OTOGL: variants seen among roughly 807,000 people sequenced by gnomAD.
The protein encoded by OTOGL is otogelin-like protein.
Under a neutral mutation model 318.5 loss-of-function variants are expected in OTOGL, and 285 were observed. The observed-to-expected ratio is 0.89, with a 90% confidence interval of 0.81 to 0.99. The LOEUF (loss-of-function observed/expected upper bound fraction) is 0.99, where lower values mean the gene tolerates loss of function less well. Among genes scored for constraint, OTOGL ranks in the 50% least tolerant of loss-of-function variants. The pLI, the probability that OTOGL is intolerant of heterozygous loss-of-function variation, is 0.00. For synonymous variants in OTOGL, 987 were observed against 936.5 expected, an observed-to-expected ratio of 1.05 and a Z score of -0.99; for missense variants, 2,899 against 2,845.6, an observed-to-expected ratio of 1.02 and a Z score of -0.43.
At chr12:80,131,314 G>T (rs1326483354) in intron 1 of OTOGL, among the ~76,000 whole-genome samples, 1 of 152,178 alleles carries the variant, frequency 6.6e-6, no homozygotes, top group Non-Finnish European at 1.5e-5. Flanking sequence ...CTTCCATAGT[G>T]CATAGAGAAC....
At chr12:80,286,665 T>C (rs753789929) in intron 26 of OTOGL, among the ~76,000 whole-genome samples, 1 of 152,136 alleles carries the variant, frequency 6.6e-6, no homozygotes, top group African/African-American at 2.4e-5. Flanking sequence ...TTGGTAGAAG[T>C]GTTTAAAGTA....
In OTOGL at chr12:80,268,332, A is replaced by G. The variant is rs12296550; in HGVS notation, c.2465+1005A>G. Among the ~76,000 whole-genome samples, 759 of 149,712 alleles carry G rather than the reference A, an allele frequency of 5.1e-3. 4 individuals are homozygous for G. The highest frequency in any genetic ancestry group is 0.019 in the African/African-American group (731 of 39,066). Reference sequence around the variant, plus strand: ...ACTCATCACCATAACCCTAAGAGATAGGCAATGTTGTTTTATCCTGATTTA... The same window carrying G: ...ACTCATCACCATAACCCTAAGAGATGGGCAATGTTGTTTTATCCTGATTTA... On this transcript the variant is annotated intron_variant, in intron 22 of 58. Coordinates refer to ENST00000547103, the MANE Select transcript of OTOGL (RefSeq NM_001378609.3).
At chr12:80,117,426 A>G (rs1870235568) in intron 1 of OTOGL, among the ~76,000 whole-genome samples, 1 of 152,176 alleles carries the variant, frequency 6.6e-6, no homozygotes, top group Admixed American at 6.5e-5. Context: ...CTGCAATCAC[A>G]GTCAGAAGCC....
Position 80,232,935 on chromosome 12 carries a change from C to G in OTOGL, c.655C>G (p.Leu219Val). ...QTIGQIFIEK[L>V]ADYILVKTTF... Reference sequence around the variant, plus strand: ...AATTGGACAGATTTTCATTGAGAAACTAGCTGACTACATTCTTGTGAAAAC... The same window carrying G: ...AATTGGACAGATTTTCATTGAGAAAGTAGCTGACTACATTCTTGTGAAAAC... Residue 219 changes from leucine to valine, a missense_variant, in exon 9 of 59, where the codon CTA (leucine) becomes GTA (valine). Transcript: ENST00000547103. The G allele has an allele frequency of 1.3e-6, 2 of 1,599,236 alleles. No individual in the cohort carries two copies. The highest frequency in any genetic ancestry group is 1.7e-6 in the Non-Finnish European group (2 of 1,179,590).
chr12:80,257,725 C>T (rs1183934840), intron 17 of OTOGL, 100 bp from the exon 18 acceptor site: 2 of 1,160,760 alleles, frequency 1.7e-6, no homozygotes, highest in African/African-American at 1.6e-5. Context: ...TCTCCTCCTT[C>T]CCTGGTATCT....
chr12:80,128,401 G>A (rs1385718295), intron 1 of OTOGL, among the ~76,000 whole-genome samples: 3 of 152,206 alleles, frequency 2.0e-5, no homozygotes, highest in Non-Finnish European at 2.9e-5. Context: ...TCCTCTGGAA[G>A]TTTTGTCTCA....
At position 80,255,060 on chromosome 12, in the gene OTOGL, G is replaced by T; in HGVS notation, c.1462G>T (p.Asp488Tyr). Residue 488 changes from aspartate (D) to tyrosine (Y), a missense_variant, in exon 16 of 59, where the codon GAT becomes TAT. Physicochemically the swap from Asp to Tyr is radical, Grantham distance 160. Transcript: ENST00000547103. The stretch of plus-strand genomic sequence containing the variant: ...GGCAGTTCAATGCTCAGTTGTAGGT[G>T]ATTCTCACTTTACAACTTTTGATGG... ...DCPVQCSVVG[D>Y]SHFTTFDGRH... 2.0e-6 allele frequency: 3 copies of T among 1,498,290 alleles called. No individual in the cohort carries two copies. The highest frequency in any genetic ancestry group is 2.9e-5 in the African/African-American group (2 of 69,864). The allele number at this position is 1,498,290 out of a possible 1,614,324, so 92.8% of individuals were successfully genotyped here. A position where few individuals can be genotyped will look rare whatever the true frequency, so the allele number is the denominator to read the frequency against.
chr12:80,239,284 A>G (rs1880153441), intron 10 of OTOGL, 49 bp from the exon 11 acceptor site: 1 of 1,352,258 alleles, frequency 7.4e-7, no homozygotes, highest in Non-Finnish European at 1.0e-6. Flanking sequence ...AGAAGACTAT[A>G]CACATACCAT....
At chr12:80,211,803 G>A in intron 3 of OTOGL, 146 bp from the exon 4 acceptor site, 1 of 650,792 alleles carries the variant, frequency 1.5e-6, no homozygotes, top group Non-Finnish European at 2.6e-6. Context: ...AAAGGGGAGG[G>A]AGGACTTTTT....
intron 7 of OTOGL, 141 bp from the exon 8 acceptor site, chr12:80,229,116 C>A (rs1453868277): frequency 5.0e-6 from 5 of 994,568 alleles, no homozygotes; most frequent in Admixed American, 2.8e-5. Flanking sequence ...TCTTTTCTCT[C>A]AGAAATCCCA....
At position 80,266,520 on chromosome 12, in the gene OTOGL, T is replaced by G. The variant is rs1489692938; in HGVS notation, c.2294T>G (p.Leu765Arg). Residue 765 changes from leucine to arginine, a missense_variant, in exon 21 of 59, where the codon CTC becomes CGC. Coordinates refer to ENST00000547103, the MANE Select transcript of OTOGL (RefSeq NM_001378609.3). Reference sequence around the variant, plus strand: ...TTCTGCCTCCATTCCTGCATTTCTCTCTCTTCCCCGGAGCAGTGCAGTGAT... The same window carrying G: ...TTCTGCCTCCATTCCTGCATTTCTCGCTCTTCCCCGGAGCAGTGCAGTGAT... The part of the protein sequence containing the change: ...SSFCLHSCIS[L>R]SSPEQCSDDC... The G allele has an allele frequency of 6.2e-7, 1 of 1,613,416 alleles. No individual in the cohort carries two copies. Among genetic ancestry groups the G allele is most frequent in the African/African-American group, 1.3e-5 (1 of 74,908 alleles).
rs769029294 is a variant in OTOGL at position 80,336,971 on chromosome 12, A to G, written c.4827A>G (p.Ile1609Met). The G allele has an allele frequency of 6.9e-6, 11 of 1,593,194 alleles. No individual in the cohort carries two copies. Among genetic ancestry groups the G allele is most frequent in the South Asian group, 1.1e-5 (1 of 87,420 alleles). Residue 1609 changes from isoleucine (I) to methionine (M), a missense_variant, in exon 42 of 59, where the codon ATA (isoleucine) becomes ATG (methionine). Ile to Met is a conservative substitution (Grantham distance 10, BLOSUM62 1). Transcript: ENST00000547103. ...AGAAGTTAAATGTGACAACACCCAT[A>G]CATAAAATAATTGTCAATCGGTTGG... ...CFKKLNVTTP[I>M]HKIIVNRLAR...
intron 34 of OTOGL, among the ~76,000 whole-genome samples, chr12:80,321,801 T>G (rs973744308): frequency 1.3e-5 from 2 of 152,116 alleles, no homozygotes; most frequent in African/African-American, 4.8e-5. Flanking sequence ...TGTGGTGACA[T>G]ACTCACAAAA....
intron 29 of OTOGL, among the ~76,000 whole-genome samples, chr12:80,307,303 G>C (rs1481412143): frequency 6.7e-6 from 1 of 149,510 alleles, no homozygotes; most frequent in Non-Finnish European, 1.5e-5. Context: ...ATCATGGCCC[G>C]TTCTCAATGA....
intron 1 of OTOGL, among the ~76,000 whole-genome samples, chr12:80,142,819 A>T (rs1872042945): frequency 6.6e-6 from 1 of 152,180 alleles, no homozygotes; most frequent in Non-Finnish European, 1.5e-5. Context: ...GTGAATGAGG[A>T]GGGGAATCCA....
chr12:80,214,990 T>A (rs12831548), intron 4 of OTOGL, among the ~76,000 whole-genome samples: 39,890 of 151,998 alleles, frequency 0.26, 5,659 homozygotes, highest in East Asian at 0.4. Flanking sequence ...AGGATGTTGT[T>A]GTAGCCAGAG....
Position 80,253,482 on chromosome 12 carries a change from T to C in OTOGL, c.1302T>C (p.Asn434=). 1.2e-6 allele frequency: 2 copies of C among 1,613,018 alleles called. No homozygotes were observed. The highest frequency in any genetic ancestry group is 1.1e-5 in the South Asian group (1 of 91,058). ...CYCPDGLVMD[N]GTCISLENCP... is the part of the protein sequence containing the mutation. ...CTCAATTAGGCCTCGTAATGGACAA[T>C]GGGACTTGCATCTCCTTGGAAAATT... is the stretch of plus-strand genomic sequence containing the variant. Residue 434 remains asparagine, a synonymous_variant, in exon 14 of 59, where the codon AAT becomes AAC. Coordinates refer to ENST00000547103, the MANE Select transcript of OTOGL (RefSeq NM_001378609.3).
chr12:80,296,173 A>T (rs1265181530), intron 26 of OTOGL, among the ~76,000 whole-genome samples: 2 of 152,224 alleles, frequency 1.3e-5, no homozygotes, highest in Admixed American at 6.5e-5. Context: ...ATCAAGACAA[A>T]CAAAACAGAT....
chr12:80,293,830 C>G (rs866983367), intron 26 of OTOGL, among the ~76,000 whole-genome samples: 1 of 152,054 alleles, frequency 6.6e-6, no homozygotes, highest in African/African-American at 2.4e-5. Flanking sequence ...GTCCCTTTGC[C>G]CATAAATGAA....
Sources: allele counts gnomAD v4.1 joint callset (sites outside exome capture counted in the v4.1 genomes callset), GRCh38; gene constraint gnomAD v4.1.1; transcripts MANE v1.5; gene names NCBI Gene and HGNC (gene_info 2026-07-23, HGNC 2026-07-21).